The following ST8SIA5 variants were observed in gnomAD, a reference collection of about 807,000 sequenced individuals.
The protein encoded by ST8SIA5 is alpha-2,8-sialyltransferase 8E.
A neutral mutation model predicts 40.2 loss-of-function variants in ST8SIA5; 24 were observed. That is an observed-to-expected ratio of 0.60 (90% confidence interval 0.43 to 0.84). The LOEUF (loss-of-function observed/expected upper bound fraction) is 0.84. Ranked by LOEUF, ST8SIA5 falls within the 40% of genes least tolerant of loss-of-function variation. ST8SIA5 has a pLI of 0.00. For missense variants in ST8SIA5, 465 were observed against 498.5 expected (o/e 0.93, Z 0.64); for synonymous variants, 198 against 201.8 (o/e 0.98, Z 0.16).
intron 2 of ST8SIA5, among the ~76,000 whole-genome samples, chr18:46,694,929 C>T (rs945726340): frequency 4.0e-5 from 6 of 151,840 alleles, no homozygotes; most frequent in East Asian, 1.9e-4. Flanking sequence ...GAGGCCGAGG[C>T]GGGCGGATCA....
intron 2 of ST8SIA5, among the ~76,000 whole-genome samples, chr18:46,696,833 G>A (rs901602054): frequency 2.0e-5 from 3 of 152,102 alleles, no homozygotes; most frequent in Admixed American, 1.3e-4. Context: ...GACAGGGAAG[G>A]GCATCTCAGT....
chr18:46,736,118 C>T (rs1339903875), intron 1 of ST8SIA5, among the ~76,000 whole-genome samples: 3 of 152,108 alleles, frequency 2.0e-5, no homozygotes, highest in Non-Finnish European at 4.4e-5. Context: ...CATTTCAACA[C>T]ACAAACAATA....
intron 4 of ST8SIA5, among the ~76,000 whole-genome samples, chr18:46,687,735 G>A (rs1424764347): frequency 3.3e-5 from 5 of 152,078 alleles, no homozygotes; most frequent in African/African-American, 4.8e-5. Flanking sequence ...GCTTTGTTTC[G>A]CACTCAGCCA....
Position 46,680,127 on chromosome 18 carries a change from G to C in ST8SIA5, c.1046C>G (p.Ala349Gly), listed in dbSNP as rs768093093. 7 of 1,614,230 alleles carry C rather than the reference G, an allele frequency of 4.3e-6. No individual in the cohort carries two copies. Among genetic ancestry groups the C allele is most frequent in the Non-Finnish European group, 5.9e-6 (7 of 1,180,046 alleles). Residue 349 changes from alanine (A) to glycine (G), a missense_variant, in exon 7 of 7, where the codon GCC (alanine) becomes GGC (glycine). Transcript: ENST00000315087. ...DNVKPRPGFH[A>G]MPSEIFNFLH... is the part of the protein sequence containing the mutation. ...GAAGTTGAAGATCTCAGAGGGCATGGCGTGGAAGCCGGGACGCGGCTTGAC... is the reference window on the plus strand; with the variant it reads ...GAAGTTGAAGATCTCAGAGGGCATGCCGTGGAAGCCGGGACGCGGCTTGAC...
Position 46,672,122 on chromosome 18 carries a change from G to A in ST8SIA5, c.*7920C>T, listed in dbSNP as rs1294530687. ...CACATTAGAAACATCTGGAGAATTTGTGAAATCCTAATATTCAGGTCACAT... is the reference window on the plus strand; with the variant it reads ...CACATTAGAAACATCTGGAGAATTTATGAAATCCTAATATTCAGGTCACAT... On this transcript the variant is annotated 3_prime_UTR_variant, in exon 7 of 7. Coordinates refer to ENST00000315087, the MANE Select transcript of ST8SIA5 (RefSeq NM_013305.6). The A allele has an allele frequency of 6.6e-6, 1 of 152,246 alleles. No individual in the cohort carries two copies. Among genetic ancestry groups the A allele is most frequent in the Non-Finnish European group, 1.5e-5 (1 of 68,042 alleles). The allele number at this position is 152,246 out of a possible 1,614,324, so 9.4% of individuals were successfully genotyped here.
chr18:46,738,876 G>A (rs557652625), intron 1 of ST8SIA5, among the ~76,000 whole-genome samples: 5 of 152,248 alleles, frequency 3.3e-5, no homozygotes, highest in African/African-American at 9.6e-5. Context: ...ACCCAGTTTC[G>A]CATCCTCAAG....
chr18:46,738,170 G>T (rs1341522183), intron 1 of ST8SIA5, among the ~76,000 whole-genome samples: 1 of 150,104 alleles, frequency 6.7e-6, no homozygotes, highest in Non-Finnish European at 1.5e-5. Context: ...AGAATTATTA[G>T]ATAAGAAGTG....
Position 46,668,367 on chromosome 18 carries a change from C to T in ST8SIA5, c.*11675G>A, listed in dbSNP as rs1286199749. On this transcript the variant is annotated 3_prime_UTR_variant, in exon 7 of 7. Coordinates refer to ENST00000315087, the MANE Select transcript of ST8SIA5 (RefSeq NM_013305.6). The stretch of plus-strand genomic sequence containing the variant: ...ACTCAGAGAGAGACCCGGCTGCCTT[C>T]ATGCAGGCTCCTGGGCAGGGGTGCC... 2.0e-5 allele frequency: 3 copies of T among 152,274 alleles called. No homozygotes were observed. Among genetic ancestry groups the T allele is most frequent in the Non-Finnish European group, 2.9e-5 (2 of 68,038 alleles). 9.4% of individuals were successfully genotyped at this position (152,274 alleles called of 1,614,324 possible). A position where few individuals can be genotyped will look rare whatever the true frequency, so the allele number is the denominator to read the frequency against.
intron 1 of ST8SIA5, among the ~76,000 whole-genome samples, chr18:46,733,326 T>C (rs891795123): frequency 1.3e-5 from 2 of 152,244 alleles, no homozygotes; most frequent in African/African-American, 4.8e-5. Context: ...ATCACTTGCA[T>C]TGGACCTCAC....
chr18:46,716,369 T>C (rs1297264729), intron 1 of ST8SIA5, among the ~76,000 whole-genome samples: 1 of 152,172 alleles, frequency 6.6e-6, no homozygotes, highest in Non-Finnish European at 1.5e-5. Context: ...GGGCTTGCTC[T>C]TTTTTCCTGT....
At chr18:46,727,462 A>G (rs2039942432) in intron 1 of ST8SIA5, among the ~76,000 whole-genome samples, 1 of 152,240 alleles carries the variant, frequency 6.6e-6, no homozygotes, top group Non-Finnish European at 1.5e-5. Flanking sequence ...TCAGGACAGA[A>G]GGCAAAATCA....
intron 1 of ST8SIA5, among the ~76,000 whole-genome samples, chr18:46,705,167 T>C (rs2039658042): frequency 6.6e-6 from 1 of 152,174 alleles, no homozygotes; most frequent in Admixed American, 6.5e-5. Flanking sequence ...TTTCTCCCCA[T>C]TTGGCAGCTG....
At chr18:46,701,785 T>C (rs77423983) in intron 2 of ST8SIA5, among the ~76,000 whole-genome samples, 3 of 152,308 alleles carry the variant, frequency 2.0e-5, no homozygotes, top group South Asian at 4.1e-4. Flanking sequence ...ACCCCATTCA[T>C]AGGATTTCTT....
At chr18:46,688,991 A>C in intron 3 of ST8SIA5, 72 bp from the exon 4 acceptor site, 1 of 1,538,140 alleles carries the variant, frequency 6.5e-7, no homozygotes, top group Non-Finnish European at 8.8e-7. Context: ...GCACAACCTC[A>C]CGGAGAACAG....
intron 1 of ST8SIA5, among the ~76,000 whole-genome samples, chr18:46,724,758 G>A (rs1025671018): frequency 6.6e-5 from 10 of 152,164 alleles, no homozygotes; most frequent in African/African-American, 2.4e-4. Flanking sequence ...TGGATCACTT[G>A]AGGTCAGGAG....
At chr18:46,752,700 CT>C (rs1230960480) in intron 1 of ST8SIA5, among the ~76,000 whole-genome samples, 1 of 152,244 alleles carries the variant, frequency 6.6e-6, no homozygotes, top group East Asian at 1.9e-4. Flanking sequence ...CACAGCCCCA[CT>C]GCCATTTGCT....
chr18:46,749,430 G>A (rs1359706194), intron 1 of ST8SIA5, among the ~76,000 whole-genome samples: 5 of 152,088 alleles, frequency 3.3e-5, no homozygotes, highest in Non-Finnish European at 5.9e-5. Flanking sequence ...TGTTCACTCC[G>A]ACACTTTTAT....
At chr18:46,710,439 TTC>T (rs2039719137) in intron 1 of ST8SIA5, among the ~76,000 whole-genome samples, 1 of 138,868 alleles carries the variant, frequency 7.2e-6, no homozygotes, top group South Asian at 2.3e-4. Flanking sequence ...CTCTTTCTTT[TTC>T]TTTTTCTTTC....
chr18:46,742,333 T>C (rs1332908365), intron 1 of ST8SIA5, among the ~76,000 whole-genome samples: 1 of 151,940 alleles, frequency 6.6e-6, no homozygotes, highest in Non-Finnish European at 1.5e-5. Flanking sequence ...TAAAACTGTA[T>C]AATACTTAGA....
Sources: gnomAD v4.1 joint callset for allele counts (sites outside exome capture counted in the v4.1 genomes callset) on GRCh38, gnomAD v4.1.1 for gene constraint, MANE v1.5 for transcripts, NCBI Gene and HGNC (gene_info 2026-07-23, HGNC 2026-07-21) for gene names.